Variants in POLR2D observed in about 807,000 individuals in gnomAD.
POLR2D encodes the protein RNA polymerase II subunit D, also known as DNA-directed RNA polymerase II subunit RPB4.
POLR2D carries 10 observed loss-of-function variants against 17.6 expected under a neutral mutation model. The observed-to-expected ratio is 0.57, with a 90% CI of 0.35 to 0.96. The LOEUF (loss-of-function observed/expected upper bound fraction) is 0.96. Among genes scored for constraint, POLR2D ranks in the 40% least tolerant of loss-of-function variants. The probability of loss-of-function intolerance (pLI) is 0.02; values close to 1 mark genes in which losing one functional copy is unlikely to be tolerated. For missense variants in POLR2D, 126 were observed against 176.4 expected, an observed-to-expected ratio of 0.71 and a Z score of 1.62; for synonymous variants, 52 against 60.2, an observed-to-expected ratio of 0.86 and a Z score of 0.63.
chr2:127,844,693 GC>G lies in POLR2D; in HGVS notation c.*3413del. ...TTCAAGATGGAGTCTCGCTCTTGTTGCCCAGGCTGGAGTGCAATGGCATGAT... is the reference window on the plus strand; with the variant it reads ...TTCAAGATGGAGTCTCGCTCTTGTTGCCAGGCTGGAGTGCAATGGCATGAT... On this transcript the variant is annotated 3_prime_UTR_variant, in exon 4 of 4. Coordinates refer to ENST00000272645, the MANE Select transcript of POLR2D (RefSeq NM_004805.4). 6.6e-6 allele frequency: 1 copy of G among 151,906 alleles called. No individual in the cohort carries two copies. Among genetic ancestry groups the G allele is most frequent in the East Asian group, 1.9e-4 (1 of 5,182 alleles). The allele number at this position is 151,906 out of a possible 1,614,324, so 9.4% of individuals were successfully genotyped here.
intron 3 of POLR2D, 30 bp downstream of exon 3, chr2:127,850,560 T>C (rs1690236454): frequency 1.1e-6 from 1 of 920,552 alleles, no homozygotes. Context: ...TTATCCAGTA[T>C]ACAGAGAACT....
At chr2:127,849,205 C>G (rs1690206155) in intron 3 of POLR2D, among the ~76,000 whole-genome samples, 1 of 151,980 alleles carries the variant, frequency 6.6e-6, no homozygotes, top group African/African-American at 2.4e-5. Context: ...CCACCACACC[C>G]AGCTAATTTT....
rs1690235869 is a variant in POLR2D, at chr2:127,850,515, C to T, written c.350+75G>A. The T allele has an allele frequency of 6.0e-6, 3 of 498,510 alleles. No homozygotes were observed. The Admixed American group carries it at 9.2e-5, about 15-fold the overall frequency. 30.9% of individuals were successfully genotyped at this position (498,510 alleles called of 1,614,324 possible). A position where few individuals can be genotyped will look rare whatever the true frequency, so the allele number is the denominator to read the frequency against. On this transcript the variant is annotated intron_variant, in intron 3 of 3. Coordinates refer to ENST00000272645, the MANE Select transcript of POLR2D (RefSeq NM_004805.4). ...TATGTACCCAAATATATAACGCATA[C>T]ACATTTTAGACACACCAATTCTATT...
rs1421254487 is a variant in POLR2D at position 127,846,106 on chromosome 2, A to T, written c.*2001T>A. ...GTCTCTACTAAAAACACAAAAAATT[A>T]GCCAGGCGTGGTGGCAGGTACCTGT... On this transcript the variant is annotated 3_prime_UTR_variant, in exon 4 of 4. Coordinates refer to ENST00000272645, the MANE Select transcript of POLR2D (RefSeq NM_004805.4). 1.3e-5 allele frequency: 2 copies of T among 152,120 alleles called. No homozygotes were observed. Among genetic ancestry groups the T allele is most frequent in the African/African-American group, 4.8e-5 (2 of 41,406 alleles). 9.4% of individuals were successfully genotyped at this position (152,120 alleles called of 1,614,324 possible).
chr2:127,847,348 C>T lies in POLR2D; in HGVS notation c.*759G>A, dbSNP rs1690174004. ...AGGTGCTGTCATCGACACTCCCATC[C>T]TTTAAGAATTTCAGGCCAGTTGTGG... On this transcript the variant is annotated 3_prime_UTR_variant, in exon 4 of 4. Coordinates refer to ENST00000272645, the MANE Select transcript of POLR2D (RefSeq NM_004805.4). 1 of 152,252 alleles carries T rather than the reference C, an allele frequency of 6.6e-6. No individual in the cohort carries two copies. The highest frequency in any genetic ancestry group is 1.5e-5 in the Non-Finnish European group (1 of 68,094). The allele number at this position is 152,252 out of a possible 1,614,324, so 9.4% of individuals were successfully genotyped here.
chr2:127,856,929 G>C (rs1274427903), intron 1 of POLR2D: 2 of 152,052 alleles, frequency 1.3e-5, no homozygotes, highest in African/African-American at 2.4e-5. Flanking sequence ...CCAGCTACTC[G>C]GGAGGCTGAG....
At position 127,858,022 on chromosome 2, in the gene POLR2D, C is replaced by A. The variant is rs1690369348; in HGVS notation, c.73+6G>T. On this transcript the variant is annotated splice_donor_region_variant and intron_variant, in intron 1 of 3. Coordinates refer to ENST00000272645, the MANE Select transcript of POLR2D (RefSeq NM_004805.4). ...CGCGGGGGAGTCTGGCAGCCCCGAG[C>A]CCAACCTTTAGGAAAGATGAGCTGT... 4 of 1,578,162 alleles carry A rather than the reference C, an allele frequency of 2.5e-6. No individual in the cohort carries two copies. Among genetic ancestry groups the A allele is most frequent in the South Asian group, 2.3e-5 (2 of 87,730 alleles).
At position 127,848,402 on chromosome 2, in the gene POLR2D, T is replaced by C. The variant is rs531325305; in HGVS notation, c.351-217A>G. ...CCTTTACAGTTAGCCCCACTTGACT[T>C]AGAGGTTTTTTTTTTTCTTTTTTTT... On this transcript the variant is annotated intron_variant, in intron 3 of 3. Transcript: ENST00000272645. 3.9e-5 allele frequency among the ~76,000 whole-genome samples: 6 copies of C among 152,120 alleles called. No individual in the cohort carries two copies. The South Asian group carries it at 1.2e-3, about 32-fold the overall frequency.
chr2:127,846,377 CAG>C lies in POLR2D; in HGVS notation c.*1728_*1729del, dbSNP rs1355847499. 2 of 152,162 alleles carry C rather than the reference CAG, an allele frequency of 1.3e-5. No homozygotes were observed. The highest frequency in any genetic ancestry group is 4.8e-5 in the African/African-American group (2 of 41,438). The allele number at this position is 152,162 out of a possible 1,614,324, so 9.4% of individuals were successfully genotyped here. A position where few individuals can be genotyped will look rare whatever the true frequency, so the allele number is the denominator to read the frequency against. ...TTTTTCCTTGGATCACAAGTTCATACAGAGTCAAGCAAGTGCCCCAAAGAAAA... is the reference window on the plus strand; with the variant it reads ...TTTTTCCTTGGATCACAAGTTCATACAGTCAAGCAAGTGCCCCAAAGAAAA... On this transcript the variant is annotated 3_prime_UTR_variant, in exon 4 of 4. Transcript: ENST00000272645.
Position 127,852,892 on chromosome 2 carries a change from T to C in POLR2D, c.254+33A>G. On this transcript the variant is annotated intron_variant, in intron 2 of 3. Transcript: ENST00000272645. The surrounding 1 kb of genome is among the most constrained non-coding windows in gnomAD (Gnocchi z 4.0). The stretch of plus-strand genomic sequence containing the variant: ...ATTCTACATGCAGTTGTCCAATGGT[T>C]TGGATTAATAAAAACTTTCTTTTAG... 1 of 1,499,644 alleles carries C rather than the reference T, an allele frequency of 6.7e-7. No homozygotes were observed. The highest frequency in any genetic ancestry group is 1.2e-5 in the South Asian group (1 of 86,548). The allele number at this position is 1,499,644 out of a possible 1,614,324, so 92.9% of individuals were successfully genotyped here.
chr2:127,852,583 T>C lies in POLR2D; in HGVS notation c.254+342A>G, dbSNP rs1182544326. ...CTAAGTTGCCCAGGTTGGAGTGCAG[T>C]TGCGCAATCTCGGCTCACTGCAACC... On this transcript the variant is annotated intron_variant, in intron 2 of 3. Transcript: ENST00000272645. This position sits in a 1 kb window ranked among gnomAD's most constrained non-coding sequence, Gnocchi z 4.0. Among the ~76,000 whole-genome samples the C allele has an allele frequency of 1.3e-5, 2 of 152,154 alleles. No homozygotes were observed. The highest frequency in any genetic ancestry group is 2.1e-4 in the South Asian group (1 of 4,838).
intron 1 of POLR2D, chr2:127,857,815 C>T: frequency 5.3e-6 from 7 of 1,317,284 alleles, no homozygotes; most frequent in Non-Finnish European, 6.7e-6. Context: ...CCCGGAACTT[C>T]GCAGTTTATC....
chr2:127,857,516 A>AG (rs1383324637), intron 1 of POLR2D, among the ~76,000 whole-genome samples: 2 of 152,168 alleles, frequency 1.3e-5, no homozygotes, highest in Non-Finnish European at 2.9e-5. Flanking sequence ...GTGGGAGGGT[A>AG]GGGGCCTAAC....
rs968373407 is a variant in POLR2D, at chr2:127,844,323, T to C, written c.*3784A>G. 4 of 152,192 alleles carry C rather than the reference T, an allele frequency of 2.6e-5. No homozygotes were observed. Among genetic ancestry groups the C allele is most frequent in the Admixed American group, 2.0e-4 (3 of 15,278 alleles). 9.4% of individuals were successfully genotyped at this position (152,192 alleles called of 1,614,324 possible). ...TTTATAGGTTACCCAGTCTAAGGTA[T>C]TCTGTTACAGCGCAGGAACAAACTA... On this transcript the variant is annotated 3_prime_UTR_variant, in exon 4 of 4. Coordinates refer to ENST00000272645, the MANE Select transcript of POLR2D (RefSeq NM_004805.4).
chr2:127,847,632 T>TAA lies in POLR2D; in HGVS notation c.*474_*475insTT. On this transcript the variant is annotated 3_prime_UTR_variant, in exon 4 of 4. Transcript: ENST00000272645. ...ACAAGAGTTAAGACCCTATCTCCAT[T>TAA]TAAAAAAAAAAAAAAAAAGCATTTC... The TAA allele has an allele frequency of 5.8e-6, 1 of 172,482 alleles. No individual in the cohort carries two copies. The highest frequency in any genetic ancestry group is 1.2e-5 in the Non-Finnish European group (1 of 81,546). The allele number at this position is 172,482 out of a possible 1,614,324, so 10.7% of individuals were successfully genotyped here.
Position 127,856,495 on chromosome 2 carries a change from C to T in POLR2D, c.73+1533G>A, listed in dbSNP as rs557701718. On this transcript the variant is annotated intron_variant, in intron 1 of 3. Transcript: ENST00000272645. Reference sequence around the variant, plus strand: ...GTCCCAGCTACTTGGGAGGCTGAGGCAGGATGGCTTGAAACTAGGAGGGGT... The same window carrying T: ...GTCCCAGCTACTTGGGAGGCTGAGGTAGGATGGCTTGAAACTAGGAGGGGT... Among the ~76,000 whole-genome samples, 216 of 150,578 alleles carry T rather than the reference C, an allele frequency of 1.4e-3. 1 individual carries two copies. The South Asian group carries it at 0.015, about 10-fold the overall frequency.
Position 127,853,004 on chromosome 2 carries a change from C to T in POLR2D, c.175G>A (p.Glu59Lys). The change falls in exon 2 of 4, where the codon GAA becomes AAA. Residue 59 changes from glutamate (E) to lysine (K), a missense_variant. Physicochemically the swap from Glu to Lys is moderately conservative, Grantham distance 56 (BLOSUM62 1). This residue lies in a region of POLR2D where 85 missense variants were observed against 151.4 expected (regional missense o/e 0.56). Transcript: ENST00000272645. Reference sequence around the variant, plus strand: ...TAGTTTAATGTTTTCATGAAGACTTCTGAGAGCTCCTGTTCGTCCTCTGCA... The same window carrying T: ...TAGTTTAATGTTTTCATGAAGACTTTTGAGAGCTCCTGTTCGTCCTCTGCA... ...ESAEDEQELSEVFMKTLNYTA... is the reference protein window; with the variant it reads ...ESAEDEQELSKVFMKTLNYTA... The T allele has an allele frequency of 1.2e-6, 2 of 1,613,734 alleles. No individual in the cohort carries two copies. The highest frequency in any genetic ancestry group is 1.7e-6 in the Non-Finnish European group (2 of 1,179,586).
At chr2:127,856,851 C>T (rs1690342018) in intron 1 of POLR2D, 1 of 152,098 alleles carries the variant, frequency 6.6e-6, no homozygotes, top group African/African-American at 2.4e-5. Flanking sequence ...GGCTGGCCAA[C>T]ATGGTGAAAC....
intron 1 of POLR2D, 117 bp downstream of exon 1, chr2:127,857,911 C>T: frequency 2.8e-6 from 4 of 1,431,236 alleles, no homozygotes; most frequent in East Asian, 3.0e-5. Context: ...CCCCACGCCG[C>T]GCTGGGGCTT....
Sources: allele counts gnomAD v4.1 joint callset (sites outside exome capture counted in the v4.1 genomes callset), GRCh38; gene constraint gnomAD v4.1.1; regional missense constraint gnomAD v4.1.1; non-coding constraint Gnocchi (gnomAD v3.1); transcripts MANE v1.5; gene names NCBI Gene and HGNC (gene_info 2026-07-23, HGNC 2026-07-21).